The following USP34 variants were observed in gnomAD, a reference collection of about 807,000 sequenced individuals.
The protein encoded by USP34 is ubiquitin carboxyl-terminal hydrolase 34.
In USP34, 70 loss-of-function variants were observed where a neutral mutation model predicts 460.3. That is an observed-to-expected ratio of 0.15 (90% CI 0.13 to 0.19). The LOEUF (loss-of-function observed/expected upper bound fraction) is 0.19. Among genes scored for constraint, USP34 ranks in the 10% least tolerant of loss-of-function variants. The pLI is 1.00. For synonymous variants in USP34, 1,647 were observed against 1,405.3 expected (o/e 1.17, Z -3.85); for missense variants, 3,985 against 4,236.2 (o/e 0.94, Z 1.65).
intron 10 of USP34, among the ~76,000 whole-genome samples, chr2:61,368,646 T>C (rs1223414872): frequency 1.3e-5 from 2 of 151,678 alleles, no homozygotes; most frequent in African/African-American, 4.8e-5. Context: ...ATTGGAAAAA[T>C]TGCACAACAA....
intron 29 of USP34, among the ~76,000 whole-genome samples, chr2:61,297,416 A>T: frequency 6.6e-6 from 1 of 152,246 alleles, no homozygotes; most frequent in Non-Finnish European, 1.5e-5. Flanking sequence ...ACAATTTTAG[A>T]GACCTATTTT....
chr2:61,429,939 C>T (rs1054666583), intron 1 of USP34, among the ~76,000 whole-genome samples: 2 of 152,106 alleles, frequency 1.3e-5, no homozygotes, highest in Admixed American at 6.5e-5. Context: ...TTAGGCTGGG[C>T]GCGGTGGCTC....
At chr2:61,285,608 T>C (rs1290961619) in intron 34 of USP34, among the ~76,000 whole-genome samples, 1 of 151,928 alleles carries the variant, frequency 6.6e-6, no homozygotes, top group East Asian at 1.9e-4. Context: ...ACCACTGAAC[T>C]GGGGGAAAGA....
At chr2:61,208,177 C>A (rs1295482118) in intron 70 of USP34, 1 of 152,214 alleles carries the variant, frequency 6.6e-6, no homozygotes, top group African/African-American at 2.4e-5. Context: ...TATTCAAAGT[C>A]ATCCCTCTGC....
intron 1 of USP34, among the ~76,000 whole-genome samples, chr2:61,445,809 G>A (rs564588364): frequency 1.2e-4 from 18 of 152,052 alleles, no homozygotes; most frequent in Non-Finnish European, 2.4e-4. Context: ...TTTGCCAGGC[G>A]TGGTGCTATG....
At chr2:61,227,265 T>C (rs1447745527) in intron 61 of USP34, 47 bp from the exon 62 acceptor site, 2 of 1,552,916 alleles carry the variant, frequency 1.3e-6, no homozygotes, top group Non-Finnish European at 1.7e-6. Context: ...AGTTTTAATA[T>C]CATTTTGAGA....
chr2:61,266,344 G>A (rs1021888233), intron 41 of USP34, among the ~76,000 whole-genome samples, 177 bp from the exon 42 acceptor site: 34 of 152,128 alleles, frequency 2.2e-4, no homozygotes, highest in Admixed American at 1.6e-3. Flanking sequence ...AAACGAAGGC[G>A]GCGATCAACT....
rs772394394 is a variant in USP34 at position 61,296,923 on chromosome 2, G to A, written c.4131C>T (p.Ser1377=). ...SGKVAVDDSE[S]LRCEELHLHA... Reference sequence around the variant, plus strand: ...GAAGATGAAGTTCTTCACATCGTAAGCTCTACACAAATAAGAACAACTACT... The same window carrying A: ...GAAGATGAAGTTCTTCACATCGTAAACTCTACACAAATAAGAACAACTACT... Residue 1377 remains serine, a splice_region_variant and synonymous_variant, in exon 30 of 80, where the codon AGC becomes AGT. Coordinates refer to ENST00000398571, the MANE Select transcript of USP34 (RefSeq NM_014709.4). The A allele has an allele frequency of 2.5e-6, 4 of 1,610,634 alleles. No individual in the cohort carries two copies. Among genetic ancestry groups the A allele is most frequent in the Admixed American group, 1.7e-5 (1 of 58,978 alleles).
At chr2:61,226,271 G>A (rs910093285) in intron 62 of USP34, among the ~76,000 whole-genome samples, 3 of 152,158 alleles carry the variant, frequency 2.0e-5, no homozygotes, top group South Asian at 2.1e-4. Context: ...GACCTTACCT[G>A]GAAAGGCATG....
intron 42 of USP34, 125 bp from the exon 43 acceptor site, chr2:61,265,682 G>C: frequency 1.2e-6 from 1 of 811,796 alleles, no homozygotes; most frequent in African/African-American, 1.9e-5. Context: ...ACATTATATA[G>C]AATTTTTTAA....
chr2:61,266,279 A>ATCAT, intron 41 of USP34, 112 bp from the exon 42 acceptor site: 1 of 1,022,686 alleles, frequency 9.8e-7, no homozygotes, highest in Non-Finnish European at 1.4e-6. Context: ...AAAAACGTAT[A>ATCAT]GCAGCATGAT....
chr2:61,214,638 G>C lies in USP34; in HGVS notation c.8104C>G (p.Arg2702Gly), dbSNP rs1687350982. The part of the protein sequence containing the change: ...IPSNSFRQMF[R>G]STRSLHIPTR... ...GGGATGTGCAAAGACCTTGTTGACC[G>C]GAACATCTGACGGAATGAATTGCTT... Residue 2702 changes from arginine (R) to glycine (G), a missense_variant, in exon 68 of 80, where the codon CGG becomes GGG. Transcript: ENST00000398571. The C allele has an allele frequency of 6.2e-7, 1 of 1,614,058 alleles. No individual in the cohort carries two copies. Among genetic ancestry groups the C allele is most frequent in the Admixed American group, 1.7e-5 (1 of 60,012 alleles).
intron 10 of USP34, among the ~76,000 whole-genome samples, chr2:61,358,771 G>A (rs1692184380): frequency 6.6e-6 from 1 of 152,128 alleles, no homozygotes; most frequent in African/African-American, 2.4e-5. Flanking sequence ...TCACCAAGTT[G>A]CAAGGAACAA....
At chr2:61,193,801 G>C (rs1042134629) in intron 75 of USP34, among the ~76,000 whole-genome samples, 1 of 152,196 alleles carries the variant, frequency 6.6e-6, no homozygotes, top group African/African-American at 2.4e-5. Context: ...TAGACAAGGA[G>C]TCAGCAAACT....
At chr2:61,400,312 T>C (rs1044759337) in intron 3 of USP34, among the ~76,000 whole-genome samples, 1 of 152,108 alleles carries the variant, frequency 6.6e-6, no homozygotes, top group Non-Finnish European at 1.5e-5. Flanking sequence ...GGTTTCACTG[T>C]GTTAGCCAAG....
At chr2:61,413,595 G>C (rs950829756) in intron 2 of USP34, among the ~76,000 whole-genome samples, 4 of 147,622 alleles carry the variant, frequency 2.7e-5, no homozygotes, top group African/African-American at 1.0e-4. Context: ...GGAAGGCAGA[G>C]GCTGCAGTGA....
chr2:61,411,652 A>G (rs1405447488), intron 2 of USP34, among the ~76,000 whole-genome samples: 1 of 152,100 alleles, frequency 6.6e-6, no homozygotes, highest in Non-Finnish European at 1.5e-5. Flanking sequence ...CTGTCCTTCT[A>G]GAGTGTTCTT....
intron 21 of USP34, among the ~76,000 whole-genome samples, chr2:61,321,425 T>A (rs1690918563): frequency 6.6e-6 from 1 of 152,048 alleles, no homozygotes; most frequent in Non-Finnish European, 1.5e-5. Context: ...GAGCCAAGAT[T>A]TGCGCCACTG....
Position 61,421,666 on chromosome 2 carries a change from T to C in USP34, c.44-833A>G, listed in dbSNP as rs1260460172. 2.6e-5 allele frequency among the ~76,000 whole-genome samples: 4 copies of C among 152,214 alleles called. No individual in the cohort carries two copies. In the South Asian group the frequency reaches 8.3e-4, roughly 32 times the overall value. On this transcript the variant is annotated intron_variant, in intron 1 of 79. Coordinates refer to ENST00000398571, the MANE Select transcript of USP34 (RefSeq NM_014709.4). The stretch of plus-strand genomic sequence containing the variant: ...TCCCAAGAAATCTTGCCTGGATCAC[T>C]GTATCACATTAACGTGAGGAGGGGA...
Sources: gnomAD v4.1 joint callset for allele counts (sites outside exome capture counted in the v4.1 genomes callset) on GRCh38, gnomAD v4.1.1 for gene constraint, MANE v1.5 for transcripts, NCBI Gene and HGNC (gene_info 2026-07-23, HGNC 2026-07-21) for gene names.